Variants in CERT1 observed in about 807,000 individuals in gnomAD.
CERT1 encodes ceramide transfer protein.
CERT1 carries 31 observed loss-of-function variants against 87.9 expected under a neutral mutation model. The ratio of observed to expected loss-of-function variants is 0.35; its 90% CI spans 0.27 to 0.48. The LOEUF (loss-of-function observed/expected upper bound fraction) is 0.48. Among genes scored for constraint, CERT1 ranks in the 20% least tolerant of loss-of-function variants. CERT1 has a pLI of 0.99. For missense variants in CERT1, 487 were observed against 758.0 expected, an observed-to-expected ratio of 0.64 and a Z score of 4.20; for synonymous variants, 289 against 250.9, an observed-to-expected ratio of 1.15 and a Z score of -1.44.
intron 2 of CERT1, among the ~76,000 whole-genome samples, chr5:75,490,487 T>C (rs1324737788): frequency 1.3e-5 from 2 of 150,386 alleles, no homozygotes; most frequent in Admixed American, 6.7e-5. Context: ...TCAACACCTG[T>C]ACGAAATTTT....
intron 3 of CERT1, among the ~76,000 whole-genome samples, chr5:75,457,402 T>C (rs1241598907): frequency 1.3e-5 from 2 of 152,214 alleles, no homozygotes; most frequent in Non-Finnish European, 2.9e-5. Flanking sequence ...ACATATGTCA[T>C]ACATGGCAGA....
intron 11 of CERT1, among the ~76,000 whole-genome samples, chr5:75,398,125 A>T (rs970227245): frequency 1.3e-5 from 2 of 152,246 alleles, no homozygotes; most frequent in African/African-American, 4.8e-5. Context: ...AGAATTGCTA[A>T]ATCTTTTTCT....
intron 2 of CERT1, among the ~76,000 whole-genome samples, chr5:75,480,347 G>C (rs1166660062): frequency 6.6e-6 from 1 of 152,160 alleles, no homozygotes; most frequent in Non-Finnish European, 1.5e-5. Context: ...CCTCATGAAA[G>C]TCCTTTGTAG....
intron 2 of CERT1, among the ~76,000 whole-genome samples, chr5:75,474,399 C>T (rs1473568839): frequency 6.6e-6 from 1 of 152,066 alleles, no homozygotes; most frequent in Non-Finnish European, 1.5e-5. Flanking sequence ...TGCGGCTCGT[C>T]CTGCTACAGT....
chr5:75,498,258 C>G (rs191710119), intron 2 of CERT1, among the ~76,000 whole-genome samples: 212 of 152,268 alleles, frequency 1.4e-3, no homozygotes, highest in African/African-American at 5.0e-3. Flanking sequence ...AAAAGAAGAA[C>G]GTATTTTCTG....
chr5:75,453,279 T>C (rs1292990526), intron 3 of CERT1, among the ~76,000 whole-genome samples: 4 of 152,190 alleles, frequency 2.6e-5, no homozygotes, highest in Admixed American at 2.0e-4. Context: ...ATAAAATCTG[T>C]TTTACAATAC....
rs1761399114 is a variant in CERT1 at position 75,378,128 on chromosome 5, A to T, written c.*1218T>A. 1.3e-5 allele frequency: 2 copies of T among 152,208 alleles called. No homozygotes were observed. The highest frequency in any genetic ancestry group is 4.1e-4 in the South Asian group (2 of 4,830). 9.4% of individuals were successfully genotyped at this position (152,208 alleles called of 1,614,324 possible). A position where few individuals can be genotyped will look rare whatever the true frequency, so the allele number is the denominator to read the frequency against. ...AACGTATCACTTACTTTAAAAAGTT[A>T]AAGATTTTGGGCTGAGTGCAGTGGC... On this transcript the variant is annotated 3_prime_UTR_variant, in exon 17 of 17. Coordinates refer to ENST00000643780, the MANE Select transcript of CERT1 (RefSeq NM_001379029.1).
chr5:75,404,594 AC>A (rs1179450602), intron 8 of CERT1, among the ~76,000 whole-genome samples: 2 of 152,232 alleles, frequency 1.3e-5, no homozygotes, highest in Non-Finnish European at 2.9e-5. Context: ...ATACTATTTA[AC>A]CACATCTACA....
chr5:75,431,938 T>A (rs1045037204), intron 3 of CERT1, among the ~76,000 whole-genome samples: 5 of 152,124 alleles, frequency 3.3e-5, no homozygotes, highest in Admixed American at 2.6e-4. Flanking sequence ...TACACAGTAA[T>A]GAGATTGCTG....
In CERT1 at chr5:75,426,491, G is replaced by T; in HGVS notation, c.349-13C>A. 1 of 1,500,364 alleles carries T rather than the reference G, an allele frequency of 6.7e-7. No individual in the cohort carries two copies. 92.9% of individuals were successfully genotyped at this position (1,500,364 alleles called of 1,614,324 possible). On this transcript the variant is annotated splice_polypyrimidine_tract_variant and intron_variant, in intron 3 of 16. Transcript: ENST00000643780. ...ATCCAGATTCAGTCTAAAAAAAAAA[G>T]TAAACTATGTGAAAAGAATTTAAAT...
At chr5:75,471,146 T>C (rs1013870376) in intron 2 of CERT1, among the ~76,000 whole-genome samples, 2 of 152,172 alleles carry the variant, frequency 1.3e-5, no homozygotes, top group Non-Finnish European at 2.9e-5. Context: ...TATACAGTCT[T>C]GTGTCACTTA....
intron 3 of CERT1, among the ~76,000 whole-genome samples, chr5:75,432,449 T>A (rs558803532): frequency 1.3e-5 from 2 of 152,226 alleles, no homozygotes; most frequent in African/African-American, 4.8e-5. Flanking sequence ...CTGATTTACA[T>A]TTATCTAACA....
At chr5:75,466,418 G>C (rs957655105) in intron 2 of CERT1, among the ~76,000 whole-genome samples, 1 of 152,150 alleles carries the variant, frequency 6.6e-6, no homozygotes, top group Non-Finnish European at 1.5e-5. Flanking sequence ...ATGAGGTGTC[G>C]CTCCACAACA....
At chr5:75,381,631 G>C (rs530577061) in intron 15 of CERT1, among the ~76,000 whole-genome samples, 1 of 152,262 alleles carries the variant, frequency 6.6e-6, no homozygotes, top group Admixed American at 6.5e-5. Context: ...AAACCACAGA[G>C]GTTTGGCTGG....
At chr5:75,451,373 C>T (rs745936183) in intron 3 of CERT1, among the ~76,000 whole-genome samples, 2 of 152,058 alleles carry the variant, frequency 1.3e-5, no homozygotes, top group African/African-American at 2.4e-5. Context: ...GGCAGAGCCC[C>T]GACTACTGTA....
chr5:75,487,826 G>A lies in CERT1; in HGVS notation c.231+18156C>T, dbSNP rs901817233. On this transcript the variant is annotated intron_variant, in intron 2 of 16. Transcript: ENST00000643780. ...TATAAGTGTCCGACAACAGATGAAC[G>A]AATAAAGAAAATGTGGTAGATATAC... Among the ~76,000 whole-genome samples the A allele has an allele frequency of 5.9e-5, 9 of 151,818 alleles. No individual in the cohort carries two copies. The East Asian group carries it at 9.6e-4, about 16-fold the overall frequency.
chr5:75,418,847 G>T (rs756415711), intron 6 of CERT1, among the ~76,000 whole-genome samples: 5 of 152,180 alleles, frequency 3.3e-5, no homozygotes, highest in Non-Finnish European at 5.9e-5. Flanking sequence ...TGACAAAGGG[G>T]ATGGAGAAAA....
intron 15 of CERT1, among the ~76,000 whole-genome samples, 193 bp downstream of exon 15, chr5:75,381,756 A>C (rs998027038): frequency 6.6e-6 from 1 of 152,138 alleles, no homozygotes; most frequent in Non-Finnish European, 1.5e-5. Flanking sequence ...GCCCTGGTGG[A>C]ATGTTCATAG....
intron 3 of CERT1, among the ~76,000 whole-genome samples, chr5:75,451,381 G>T: frequency 6.6e-6 from 1 of 152,188 alleles, no homozygotes; most frequent in South Asian, 2.1e-4. Context: ...CCCGACTACT[G>T]TAAGAACTAT....
Sources: allele counts gnomAD v4.1 joint callset (sites outside exome capture counted in the v4.1 genomes callset), GRCh38; gene constraint gnomAD v4.1.1; transcripts MANE v1.5; gene names NCBI Gene and HGNC (gene_info 2026-07-23, HGNC 2026-07-21).